The following TAOK3 variants were observed in gnomAD, a reference collection of about 807,000 sequenced individuals.
TAOK3 encodes the protein serine/threonine-protein kinase TAO3.
A neutral mutation model predicts 120.4 loss-of-function variants in TAOK3; 40 were observed. That is an observed-to-expected ratio of 0.33 (90% CI 0.26 to 0.43). The LOEUF (loss-of-function observed/expected upper bound fraction) is 0.43, where lower values mean the gene tolerates loss of function less well. Among genes scored for constraint, TAOK3 ranks in the 20% least tolerant of loss-of-function variants. The probability of loss-of-function intolerance (pLI) is 1.00; values close to 1 mark genes in which losing one functional copy is unlikely to be tolerated. For synonymous variants in TAOK3, 355 were observed against 387.5 expected, an observed-to-expected ratio of 0.92 and a Z score of 0.99; for missense variants, 821 against 1,112.1, an observed-to-expected ratio of 0.74 and a Z score of 3.72.
At chr12:118,159,610 A>T (rs1486748906) in intron 19 of TAOK3, among the ~76,000 whole-genome samples, 2 of 152,088 alleles carry the variant, frequency 1.3e-5, no homozygotes, top group Non-Finnish European at 2.9e-5. Flanking sequence ...CCCACTTACC[A>T]TGTTTTACTA....
At chr12:118,367,338 G>T (rs1428302639) in intron 1 of TAOK3, among the ~76,000 whole-genome samples, 2 of 151,606 alleles carry the variant, frequency 1.3e-5, no homozygotes, top group African/African-American at 4.8e-5. Flanking sequence ...TATAAAGCAG[G>T]TAACTTTAAT....
chr12:118,150,960 T>TC lies in TAOK3; in HGVS notation c.*36_*37insG. On this transcript the variant is annotated 3_prime_UTR_variant, in exon 21 of 21. Coordinates refer to ENST00000392533, the MANE Select transcript of TAOK3 (RefSeq NM_016281.4). The stretch of plus-strand genomic sequence containing the variant: ...GTCTGAATTTTTTTCTGTTTTCTTT[T>TC]TTTTTTTTTTTTTTGTAAATGGCAA... 1.4e-6 allele frequency: 2 copies of TC among 1,405,766 alleles called. No individual in the cohort carries two copies. Among genetic ancestry groups the TC allele is most frequent in the East Asian group, 2.5e-5 (1 of 40,130 alleles). 87.1% of individuals were successfully genotyped at this position (1,405,766 alleles called of 1,614,324 possible). A position where few individuals can be genotyped will look rare whatever the true frequency, so the allele number is the denominator to read the frequency against.
chr12:118,209,251 G>A (rs747833476), intron 11 of TAOK3, among the ~76,000 whole-genome samples: 7 of 152,066 alleles, frequency 4.6e-5, no homozygotes, highest in Non-Finnish European at 8.8e-5. Flanking sequence ...AGGGTGGAAC[G>A]GTTTTTATGG....
At chr12:118,297,860 A>T (rs747203328) in intron 1 of TAOK3, among the ~76,000 whole-genome samples, 2 of 152,220 alleles carry the variant, frequency 1.3e-5, no homozygotes, top group Non-Finnish European at 2.9e-5. Flanking sequence ...GTCACTCAGG[A>T]GGCTGAAGCG....
intron 1 of TAOK3, among the ~76,000 whole-genome samples, chr12:118,353,550 GAA>G (rs2045266367): frequency 6.6e-6 from 1 of 152,072 alleles, no homozygotes; most frequent in Non-Finnish European, 1.5e-5. Flanking sequence ...GAAGCTCTCT[GAA>G]AAGGGAGTGA....
intron 11 of TAOK3, among the ~76,000 whole-genome samples, chr12:118,209,991 T>C (rs1323476708): frequency 6.6e-6 from 1 of 152,204 alleles, no homozygotes; most frequent in Admixed American, 6.5e-5. Context: ...TGTAAGGCAC[T>C]GTGCCCAGCC....
At position 118,194,963 on chromosome 12, in the gene TAOK3, C is replaced by T. The variant is rs866561353; in HGVS notation, c.1194+4088G>A. Among the ~76,000 whole-genome samples, 56 of 152,122 alleles carry T rather than the reference C, an allele frequency of 3.7e-4. 2 individuals carry two copies. Among genetic ancestry groups the T allele is most frequent in the East Asian group, 3.5e-3 (18 of 5,172 alleles). ...AGATTTTCACCATATTGGCCAGGCT[C>T]GTCTCGAACTCCTGAACTCTTGATC... On this transcript the variant is annotated intron_variant, in intron 13 of 20. Transcript: ENST00000392533.
chr12:118,328,921 T>C lies in TAOK3; in HGVS notation c.-194+43727A>G, dbSNP rs949991937. Among the ~76,000 whole-genome samples the C allele has an allele frequency of 2.6e-5, 4 of 152,368 alleles. No homozygotes were observed. The East Asian group carries it at 7.7e-4, about 29-fold the overall frequency. On this transcript the variant is annotated intron_variant, in intron 1 of 20. Transcript: ENST00000392533. ...CTATTCATTCATTCGGCAAATCTATTATGTGCCAGGCTTCATGACAGGTAG... is the reference window on the plus strand; with the variant it reads ...CTATTCATTCATTCGGCAAATCTATCATGTGCCAGGCTTCATGACAGGTAG...
chr12:118,356,213 C>T (rs1390293700), intron 1 of TAOK3, among the ~76,000 whole-genome samples: 1 of 152,054 alleles, frequency 6.6e-6, no homozygotes, highest in African/African-American at 2.4e-5. Context: ...TAACTGTCCC[C>T]TCCCCTCTTT....
intron 1 of TAOK3, among the ~76,000 whole-genome samples, chr12:118,346,827 GTCTATCTGTAGTTACTAT>G (rs1593640471): frequency 6.6e-6 from 1 of 152,240 alleles, no homozygotes; most frequent in East Asian, 1.9e-4. Context: ...AATCTAACTT[GTCTATCTGTAGTTACTAT>G]TCTATCTGTA....
At chr12:118,245,255 T>A (rs150603893) in intron 3 of TAOK3, among the ~76,000 whole-genome samples, 2,852 of 151,676 alleles carry the variant, frequency 0.019, 76 homozygotes, top group East Asian at 0.068. Flanking sequence ...AGGCTGGTCT[T>A]AAACTCCTGA....
At chr12:118,233,006 T>C (rs1020052756) in intron 9 of TAOK3, among the ~76,000 whole-genome samples, 3 of 152,064 alleles carry the variant, frequency 2.0e-5, no homozygotes, top group African/African-American at 4.8e-5. Context: ...CCAACCCAAA[T>C]GTCCAACAAA....
chr12:118,255,395 G>C (rs1329873426), intron 3 of TAOK3, 53 bp downstream of exon 3: 40 of 1,596,708 alleles, frequency 2.5e-5, no homozygotes, highest in Middle Eastern at 1.7e-4. Context: ...GCCAGGCCTA[G>C]AGTCCAACCT....
intron 17 of TAOK3, among the ~76,000 whole-genome samples, chr12:118,166,709 T>C (rs916271941): frequency 6.6e-6 from 1 of 152,152 alleles, no homozygotes; most frequent in Non-Finnish European, 1.5e-5. Context: ...TGTGCACCTT[T>C]AGCTTATACA....
intron 1 of TAOK3, among the ~76,000 whole-genome samples, chr12:118,370,700 G>C (rs2045869969): frequency 6.6e-6 from 1 of 152,224 alleles, no homozygotes; most frequent in African/African-American, 2.4e-5. Context: ...AGGTAGGGCA[G>C]TATTAACATA....
intron 1 of TAOK3, among the ~76,000 whole-genome samples, chr12:118,351,347 A>G (rs529131196): frequency 6.6e-5 from 10 of 152,186 alleles, no homozygotes; most frequent in African/African-American, 2.4e-4. Context: ...TTGTTTCCTT[A>G]TTAGTTAAGG....
intron 1 of TAOK3, among the ~76,000 whole-genome samples, chr12:118,343,351 C>T (rs1158815249): frequency 6.7e-6 from 1 of 150,374 alleles, no homozygotes; most frequent in African/African-American, 2.5e-5. Context: ...CGCTTGAACC[C>T]AGAAGGCGGA....
At chr12:118,216,798 G>A (rs1322757229) in intron 9 of TAOK3, among the ~76,000 whole-genome samples, 1 of 151,798 alleles carries the variant, frequency 6.6e-6, no homozygotes, top group African/African-American at 2.4e-5. Context: ...GCGTGGTGGC[G>A]GGCACCTGTA....
At chr12:118,246,054 A>G (rs1163615522) in intron 3 of TAOK3, 1 of 877,552 alleles carries the variant, frequency 1.1e-6, no homozygotes, top group Admixed American at 3.1e-5. Context: ...AAATTATAAA[A>G]GAATTGCTTC....
Sources: gnomAD v4.1 joint callset for allele counts (sites outside exome capture counted in the v4.1 genomes callset) on GRCh38, gnomAD v4.1.1 for gene constraint, MANE v1.5 for transcripts, NCBI Gene and HGNC (gene_info 2026-07-23, HGNC 2026-07-21) for gene names.